Variants in ABCE1 observed in about 807,000 individuals in gnomAD.
The protein encoded by ABCE1 is ATP binding cassette subfamily E member 1.
In ABCE1, 22 loss-of-function variants were observed where a neutral mutation model predicts 83.4. The observed-to-expected ratio is 0.26, with a 90% CI of 0.19 to 0.38. The LOEUF is 0.38. ABCE1 is among the 10% of genes least tolerant of loss of function. The pLI is 1.00. For synonymous variants in ABCE1, 204 were observed against 233.7 expected (o/e 0.87, Z 1.16); for missense variants, 330 against 721.9 (o/e 0.46, Z 6.22).
rs1749276200 is a variant in ABCE1 at position 145,105,457 on chromosome 4, A to T, written c.104-148A>T. ...TCCCCACAAAGCACTGATTTAAGAC[A>T]TTATCTCAAATGTATTTCTTTGTGT... On this transcript the variant is annotated intron_variant, in intron 2 of 17. Transcript: ENST00000296577. 8 of 540,066 alleles carry T rather than the reference A, an allele frequency of 1.5e-5. No individual in the cohort carries two copies. In the South Asian group the frequency reaches 2.1e-4, roughly 14 times the overall value. 33.5% of individuals were successfully genotyped at this position (540,066 alleles called of 1,614,324 possible).
chr4:145,125,180 CAT>C (rs1159786913), intron 17 of ABCE1, 79 bp downstream of exon 17: 1 of 1,087,200 alleles, frequency 9.2e-7, no homozygotes, highest in Non-Finnish European at 1.4e-6. Flanking sequence ...AAATCAATAA[CAT>C]ATGGCTGGGC....
At chr4:145,112,623 GTC>G (rs1027291251) in intron 9 of ABCE1, among the ~76,000 whole-genome samples, 4 of 152,018 alleles carry the variant, frequency 2.6e-5, no homozygotes, top group African/African-American at 9.7e-5. Flanking sequence ...CTCTCTCTCT[GTC>G]TCTCATTTTC....
intron 17 of ABCE1, among the ~76,000 whole-genome samples, chr4:145,126,440 C>T (rs1181764838): frequency 1.3e-5 from 2 of 151,978 alleles, no homozygotes; most frequent in African/African-American, 4.8e-5. Flanking sequence ...ATTACAGGTG[C>T]CCACCACCAC....
At chr4:145,108,601 T>C (rs1400747009) in intron 4 of ABCE1, among the ~76,000 whole-genome samples, 1 of 152,188 alleles carries the variant, frequency 6.6e-6, no homozygotes, top group Non-Finnish European at 1.5e-5. Context: ...CACTAACACT[T>C]TGAATCTAGG....
chr4:145,100,342 CTG>C (rs1173990464), intron 1 of ABCE1, among the ~76,000 whole-genome samples: 1 of 152,160 alleles, frequency 6.6e-6, no homozygotes, highest in African/African-American at 2.4e-5. Context: ...AGCAAGATCC[CTG>C]TGTCTTTTTA....
At chr4:145,121,696 A>C (rs1579221974) in intron 13 of ABCE1, 1 of 238,576 alleles carries the variant, frequency 4.2e-6, no homozygotes, top group Non-Finnish European at 8.3e-6. Context: ...ACATGGTGAA[A>C]CCCTGTCTCT....
At chr4:145,110,892 A>G (rs752026150) in intron 7 of ABCE1, 76 bp from the exon 8 acceptor site, 44 of 920,750 alleles carry the variant, frequency 4.8e-5, no homozygotes, top group Non-Finnish European at 6.9e-5. Context: ...TCAAACTTCA[A>G]ATGATGACAT....
chr4:145,115,599 G>A (rs1749588508), intron 9 of ABCE1, among the ~76,000 whole-genome samples: 1 of 151,250 alleles, frequency 6.6e-6, no homozygotes, highest in South Asian at 2.1e-4. Flanking sequence ...CCTTACTCTA[G>A]AATTGTGCTG....
chr4:145,121,445 T>G (rs1004449410), intron 13 of ABCE1, 54 bp downstream of exon 13: 1 of 1,295,294 alleles, frequency 7.7e-7, no homozygotes, highest in Non-Finnish European at 1.1e-6. Flanking sequence ...TATATGCCTA[T>G]AGCTTTCATC....
At chr4:145,110,478 A>AT in intron 7 of ABCE1, 34 bp downstream of exon 7, 1 of 1,586,734 alleles carries the variant, frequency 6.3e-7, no homozygotes, top group Non-Finnish European at 8.6e-7. Flanking sequence ...GTGAATATAT[A>AT]TTTATTTATT....
intron 16 of ABCE1, 130 bp downstream of exon 16, chr4:145,123,730 C>T: frequency 1.1e-6 from 1 of 922,250 alleles, no homozygotes; most frequent in South Asian, 1.8e-5. Context: ...CTCCTGAGAT[C>T]ATTGGTATTG....
Position 145,123,461 on chromosome 4 carries a change from A to C in ABCE1, c.1518-17A>C, listed in dbSNP as rs1749796524. The C allele has an allele frequency of 6.3e-7, 1 of 1,594,194 alleles. No individual in the cohort carries two copies. Among genetic ancestry groups the C allele is most frequent in the South Asian group, 1.1e-5 (1 of 90,618 alleles). ...TATGATAGAAAGCTATAAGATTTCA[A>C]AATCATTGTGTTTTAGTTTCATACT... On this transcript the variant is annotated splice_polypyrimidine_tract_variant and intron_variant, in intron 15 of 17. Transcript: ENST00000296577.
intron 4 of ABCE1, among the ~76,000 whole-genome samples, chr4:145,108,885 A>G (rs1560958660): frequency 6.6e-6 from 1 of 151,876 alleles, no homozygotes. Flanking sequence ...TAAAACTTGT[A>G]GTAATGTTGT....
chr4:145,115,695 A>G (rs1418102084), intron 9 of ABCE1, among the ~76,000 whole-genome samples: 5 of 151,952 alleles, frequency 3.3e-5, no homozygotes, highest in Non-Finnish European at 7.4e-5. Flanking sequence ...ACTTATGGCT[A>G]GTAGTCACTA....
intron 3 of ABCE1, among the ~76,000 whole-genome samples, chr4:145,106,705 T>G (rs993293805): frequency 1.1e-4 from 16 of 152,206 alleles, no homozygotes; most frequent in Middle Eastern, 3.4e-3. Flanking sequence ...AGTGGATATT[T>G]TTTTCCTTGT....
intron 8 of ABCE1, 45 bp downstream of exon 8, chr4:145,111,109 A>G: frequency 7.5e-7 from 1 of 1,335,570 alleles, no homozygotes; most frequent in Non-Finnish European, 1.1e-6. Flanking sequence ...CGTATTGTAG[A>G]GTTTTCAGTT....
At chr4:145,124,730 G>A (rs1749830539) in intron 16 of ABCE1, among the ~76,000 whole-genome samples, 2 of 151,948 alleles carry the variant, frequency 1.3e-5, no homozygotes, top group South Asian at 4.2e-4. Flanking sequence ...TATCTTAAAT[G>A]TTTCTTTCAC....
At chr4:145,109,493 A>T (rs926849807) in intron 5 of ABCE1, among the ~76,000 whole-genome samples, 6 of 152,202 alleles carry the variant, frequency 3.9e-5, no homozygotes, top group Non-Finnish European at 7.4e-5. Flanking sequence ...CTGCTGTATT[A>T]CACACGTTTC....
chr4:145,107,737 C>T (rs975546861), intron 3 of ABCE1, among the ~76,000 whole-genome samples: 2 of 152,152 alleles, frequency 1.3e-5, no homozygotes, highest in African/African-American at 4.8e-5. Context: ...TCAGGTGCTC[C>T]AGGGCTGACT....
Sources: allele counts gnomAD v4.1 joint callset (sites outside exome capture counted in the v4.1 genomes callset), GRCh38; gene constraint gnomAD v4.1.1; transcripts MANE v1.5; gene names NCBI Gene and HGNC (gene_info 2026-07-23, HGNC 2026-07-21).